The following RBFOX1 variants were observed in gnomAD, a reference collection of about 807,000 sequenced individuals.
The protein encoded by RBFOX1 is RNA binding fox-1 homolog 1, also known as RNA binding protein fox-1 homolog 1.
In RBFOX1, 8 loss-of-function variants were observed where a neutral mutation model predicts 57.7. The observed-to-expected ratio is 0.14, with a 90% CI of 0.08 to 0.25. RBFOX1 has a LOEUF of 0.25. Ranked by LOEUF, RBFOX1 falls within the 10% of genes least tolerant of loss-of-function variation. The pLI is 1.00. For synonymous variants in RBFOX1, 326 were observed against 222.4 expected, an observed-to-expected ratio of 1.47 and a Z score of -4.15; for missense variants, 611 against 548.5, an observed-to-expected ratio of 1.11 and a Z score of -1.14.
chr16:6,507,727 CACAT>C (rs1014425363), intron 2 of RBFOX1, among the ~76,000 whole-genome samples: 2 of 151,950 alleles, frequency 1.3e-5, no homozygotes, highest in African/African-American at 4.8e-5. Flanking sequence ...CACAAAAAGA[CACAT>C]ACAGTATGAT....
intron 3 of RBFOX1, among the ~76,000 whole-genome samples, chr16:6,887,402 G>A (rs535719318): frequency 9.6e-4 from 146 of 152,220 alleles, no homozygotes; most frequent in African/African-American, 3.4e-3. Context: ...TCAAGAAGCC[G>A]AAAGGATATG....
At chr16:6,252,931 C>T (rs2097630853) in intron 1 of RBFOX1, among the ~76,000 whole-genome samples, 3 of 152,084 alleles carry the variant, frequency 2.0e-5, no homozygotes. Flanking sequence ...TGTGTGCTTA[C>T]CATGTGACAG....
At chr16:6,116,607 C>A (rs2096498016) in intron 1 of RBFOX1, among the ~76,000 whole-genome samples, 1 of 152,166 alleles carries the variant, frequency 6.6e-6, no homozygotes. Context: ...AGAGGAACTT[C>A]TGAAGCTAAA....
intron 1 of RBFOX1, among the ~76,000 whole-genome samples, chr16:5,257,004 G>T (rs563264033): frequency 6.6e-6 from 1 of 151,922 alleles, no homozygotes; most frequent in Non-Finnish European, 1.5e-5. Flanking sequence ...ATTTGTCAAA[G>T]ATTGTTGTTG....
Position 5,377,582 on chromosome 16 carries a change from TG to T in RBFOX1, c.220-89628del, listed in dbSNP as rs974059347. On this transcript the variant is annotated intron_variant, in intron 1 of 2. Coordinates refer to the RBFOX1 transcript ENST00000585867. ...AAGGAAGGAAAGGAAAGAGAGGAGA[TG>T]GGGGGAGAGAGAGAGAAAGAACAAG... Among the ~76,000 whole-genome samples, 55 of 99,584 alleles carry T rather than the reference TG, an allele frequency of 5.5e-4. 2 individuals carry two copies. Among genetic ancestry groups the T allele is most frequent in the African/African-American group, 1.9e-3 (47 of 25,006 alleles). The allele number at this position is 99,584 out of a possible 152,430, so 65.3% of individuals were successfully genotyped here. A position where few individuals can be genotyped will look rare whatever the true frequency, so the allele number is the denominator to read the frequency against.
chr16:7,579,185 T>C (rs1221723164), intron 5 of RBFOX1, among the ~76,000 whole-genome samples: 1 of 152,224 alleles, frequency 6.6e-6, no homozygotes, highest in Non-Finnish European at 1.5e-5. Context: ...CAAAAGTTTG[T>C]ACAATTAGAA....
At chr16:6,455,878 T>C (rs1312988116) in intron 2 of RBFOX1, among the ~76,000 whole-genome samples, 1 of 152,160 alleles carries the variant, frequency 6.6e-6, no homozygotes, top group Non-Finnish European at 1.5e-5. Flanking sequence ...GTGGTGAGCC[T>C]AGTAATGAAA....
chr16:6,562,872 C>CTTTCTTTCTTTG (rs2097200055), intron 2 of RBFOX1, among the ~76,000 whole-genome samples: 9 of 49,250 alleles, frequency 1.8e-4, no homozygotes, highest in Middle Eastern at 0.013. Context: ...TTCTTTCTTT[C>CTTTCTTTCTTTG]TTTCTTTCTT....
chr16:5,941,768 C>T (rs577704153), intron 4 of RBFOX1, among the ~76,000 whole-genome samples: 30 of 152,074 alleles, frequency 2.0e-4, no homozygotes, highest in African/African-American at 7.2e-4. Context: ...AAAACCTCTT[C>T]CCGTGAGCTC....
intron 3 of RBFOX1, among the ~76,000 whole-genome samples, chr16:6,930,309 A>G (rs933155663): frequency 2.0e-5 from 3 of 152,168 alleles, no homozygotes; most frequent in Non-Finnish European, 4.4e-5. Flanking sequence ...CAAATGGCCA[A>G]TATGCACATA....
At chr16:7,291,759 G>T (rs1390881564) in intron 4 of RBFOX1, among the ~76,000 whole-genome samples, 1 of 151,736 alleles carries the variant, frequency 6.6e-6, no homozygotes, top group African/African-American at 2.4e-5. Flanking sequence ...GTCATGGCTA[G>T]GGATGCGATA....
chr16:6,876,502 T>C (rs1020211114), intron 3 of RBFOX1, among the ~76,000 whole-genome samples: 2 of 152,226 alleles, frequency 1.3e-5, no homozygotes, highest in African/African-American at 4.8e-5. Flanking sequence ...CACATAGCGC[T>C]GTACCTAGCA....
At chr16:6,633,286 A>AT (rs1567967350) in intron 2 of RBFOX1, among the ~76,000 whole-genome samples, 2 of 151,632 alleles carry the variant, frequency 1.3e-5, no homozygotes. Context: ...TTTTTATTTT[A>AT]TTTTTTTTGA....
At chr16:6,654,713 A>T in intron 3 of RBFOX1, 63 bp downstream of exon 3, 1 of 1,266,126 alleles carries the variant, frequency 7.9e-7, no homozygotes, top group Non-Finnish European at 1.1e-6. Context: ...AATTGAACCC[A>T]GGTGTTTAAG....
chr16:7,698,216 A>C (rs373428085), intron 14 of RBFOX1, among the ~76,000 whole-genome samples: 2 of 115,166 alleles, frequency 1.7e-5, no homozygotes, highest in Non-Finnish European at 3.9e-5. Context: ...GTGTGTGTGT[A>C]TAAAGGGGGT....
chr16:6,513,572 A>G (rs951731920), intron 2 of RBFOX1, among the ~76,000 whole-genome samples: 3 of 152,040 alleles, frequency 2.0e-5, no homozygotes, highest in African/African-American at 7.2e-5. Flanking sequence ...TGTCTCTACT[A>G]AAAATACAAA....
intron 4 of RBFOX1, among the ~76,000 whole-genome samples, chr16:7,355,891 C>G (rs998699547): frequency 6.6e-5 from 10 of 152,216 alleles, no homozygotes; most frequent in African/African-American, 2.4e-4. Context: ...AGGCTTCTAG[C>G]TGCTGACAGC....
At chr16:5,953,992 G>T (rs186848526) in intron 4 of RBFOX1, among the ~76,000 whole-genome samples, 5 of 152,238 alleles carry the variant, frequency 3.3e-5, no homozygotes, top group African/African-American at 7.2e-5. Flanking sequence ...AATGTCTGGA[G>T]ACACCTTGGC....
chr16:7,332,999 A>C, intron 4 of RBFOX1: 1 of 1,613,638 alleles, frequency 6.2e-7, no homozygotes, highest in East Asian at 2.2e-5. Context: ...CTCTACGTAA[A>C]GCATGCTGGC....
Sources: allele counts gnomAD v4.1 joint callset (sites outside exome capture counted in the v4.1 genomes callset), GRCh38; gene constraint gnomAD v4.1.1; transcripts MANE v1.5; gene names NCBI Gene and HGNC (gene_info 2026-07-23, HGNC 2026-07-21).